SLC30A8: variants seen among roughly 807,000 people sequenced by gnomAD.
SLC30A8 encodes the protein solute carrier family 30 member 8, also known as proton-coupled zinc antiporter SLC30A8.
Under a neutral mutation model 36.9 loss-of-function variants are expected in SLC30A8, and 27 were observed. That is an observed-to-expected ratio of 0.73 (90% CI 0.54 to 1.01). The LOEUF is 1.01. Ranked by LOEUF, SLC30A8 falls within the 50% of genes least tolerant of loss-of-function variation. The pLI is 0.00. For missense variants in SLC30A8, 439 were observed against 452.0 expected, an observed-to-expected ratio of 0.97 and a Z score of 0.26; for synonymous variants, 164 against 172.4, an observed-to-expected ratio of 0.95 and a Z score of 0.38.
intron 1 of SLC30A8, among the ~76,000 whole-genome samples, chr8:117,136,040 T>C (rs556226560): frequency 6.6e-6 from 1 of 152,094 alleles, no homozygotes. Flanking sequence ...CTTTGTCCTC[T>C]TGAAACTTAG....
intron 1 of SLC30A8, among the ~76,000 whole-genome samples, chr8:117,009,213 C>T (rs749037582): frequency 1.3e-5 from 2 of 151,842 alleles, no homozygotes; most frequent in East Asian, 1.9e-4. Context: ...CTTTGACTGA[C>T]GTTAAAAAAA....
In SLC30A8 at chr8:116,959,917, T is replaced by C. The variant is rs771776827; in HGVS notation, c.-266+8798T>C. ...GGGCATATCCCCTGAAGATCTTGAG[T>C]CTCTTTCCTCACCTTTCTGTCCTGC... On this transcript the variant is annotated intron_variant, in intron 1 of 10. Transcript: ENST00000427715. Among the ~76,000 whole-genome samples the C allele has an allele frequency of 4.4e-4, 67 of 152,304 alleles. 1 individual carries two copies. Among genetic ancestry groups the C allele is most frequent in the Middle Eastern group, 3.4e-3 (1 of 294 alleles).
Position 117,175,405 on chromosome 8 carries a change from C to T in SLC30A8, c.*2724C>T, listed in dbSNP as rs934076557. 6.6e-6 allele frequency: 1 copy of T among 152,040 alleles called. No homozygotes were observed. Among genetic ancestry groups the T allele is most frequent in the African/African-American group, 2.4e-5 (1 of 41,410 alleles). The allele number at this position is 152,040 out of a possible 1,614,324, so 9.4% of individuals were successfully genotyped here. ...ACCCATAAAAGAAATTTATGCCTTC[C>T]ATATGTTTGGTTACAGATGGGAAAT... On this transcript the variant is annotated 3_prime_UTR_variant, in exon 8 of 8. Coordinates refer to ENST00000456015, the MANE Select transcript of SLC30A8 (RefSeq NM_173851.3).
At chr8:117,016,238 T>C (rs1324238934) in intron 1 of SLC30A8, among the ~76,000 whole-genome samples, 1 of 152,200 alleles carries the variant, frequency 6.6e-6, no homozygotes, top group East Asian at 1.9e-4. Context: ...TGTTTTAACC[T>C]TGCGCACAGA....
intron 1 of SLC30A8, among the ~76,000 whole-genome samples, chr8:117,030,393 T>C (rs1226951919): frequency 6.6e-6 from 1 of 152,238 alleles, no homozygotes; most frequent in Non-Finnish European, 1.5e-5. Flanking sequence ...TTCTCAGTTA[T>C]GGTTCCCATG....
intron 2 of SLC30A8, among the ~76,000 whole-genome samples, chr8:117,072,815 C>T (rs559939118): frequency 6.6e-6 from 1 of 150,804 alleles, no homozygotes; most frequent in South Asian, 2.1e-4. Flanking sequence ...AAAAAAACTG[C>T]TCAAACCCCC....
intron 1 of SLC30A8, among the ~76,000 whole-genome samples, chr8:116,958,291 A>G (rs1814289731): frequency 6.6e-6 from 1 of 150,570 alleles, no homozygotes; most frequent in Non-Finnish European, 1.5e-5. Flanking sequence ...GTATAGACCC[A>G]TGTTTCCATC....
At chr8:117,093,519 C>T (rs1261509389) in intron 2 of SLC30A8, among the ~76,000 whole-genome samples, 1 of 151,976 alleles carries the variant, frequency 6.6e-6, no homozygotes. Context: ...GATGCAGGAA[C>T]TTATATTGGT....
chr8:116,956,804 G>A (rs148973728), intron 1 of SLC30A8, among the ~76,000 whole-genome samples: 46 of 152,240 alleles, frequency 3.0e-4, no homozygotes, highest in African/African-American at 9.4e-4. Flanking sequence ...TCAAGGCACC[G>A]AAGTAAAAAT....
intron 1 of SLC30A8, among the ~76,000 whole-genome samples, chr8:117,024,166 T>G (rs1301619403): frequency 6.6e-6 from 1 of 152,188 alleles, no homozygotes; most frequent in Non-Finnish European, 1.5e-5. Context: ...ACCTAGCTAT[T>G]TTGAAGGAAT....
At chr8:117,090,944 A>G (rs1819093082) in intron 2 of SLC30A8, among the ~76,000 whole-genome samples, 1 of 152,252 alleles carries the variant, frequency 6.6e-6, no homozygotes, top group African/African-American at 2.4e-5. Flanking sequence ...TCAGTACCTG[A>G]CATATAAAGT....
chr8:117,093,029 G>A (rs1819197727), intron 2 of SLC30A8, among the ~76,000 whole-genome samples: 2 of 152,056 alleles, frequency 1.3e-5, no homozygotes, highest in Non-Finnish European at 1.5e-5. Context: ...CTACTTCCTA[G>A]TCTATCCTTA....
chr8:117,041,504 A>T (rs981980035), intron 2 of SLC30A8, among the ~76,000 whole-genome samples: 1 of 152,118 alleles, frequency 6.6e-6, no homozygotes, highest in African/African-American at 2.4e-5. Context: ...GCTGCTTAAC[A>T]GAGTGAAACC....
At chr8:116,955,889 CTG>C (rs1814181766) in intron 1 of SLC30A8, among the ~76,000 whole-genome samples, 2 of 152,092 alleles carry the variant, frequency 1.3e-5, no homozygotes, top group African/African-American at 2.4e-5. Context: ...GCCTCCAGAA[CTG>C]TGAGAGAAAA....
At chr8:117,066,734 T>C (rs965851466) in intron 2 of SLC30A8, among the ~76,000 whole-genome samples, 1 of 152,100 alleles carries the variant, frequency 6.6e-6, no homozygotes, top group Admixed American at 6.6e-5. Context: ...TTTTTTTCCT[T>C]CTCTGGGACT....
intron 2 of SLC30A8, chr8:117,128,590 C>G (rs1214464949): frequency 6.6e-6 from 1 of 152,054 alleles, no homozygotes; most frequent in Non-Finnish European, 1.5e-5. Context: ...TGCCCACTGT[C>G]TACACTCTTG....
chr8:117,146,923 C>A, intron 1 of SLC30A8, 31 bp from the exon 2 acceptor site: 1 of 1,611,472 alleles, frequency 6.2e-7, no homozygotes, highest in South Asian at 1.1e-5. Flanking sequence ...CAACTATGTT[C>A]ACTTCTTGCT....
At chr8:117,125,449 C>T (rs986744525) in intron 2 of SLC30A8, among the ~76,000 whole-genome samples, 3 of 151,904 alleles carry the variant, frequency 2.0e-5, no homozygotes, top group Admixed American at 1.3e-4. Flanking sequence ...CTTTTTAGCT[C>T]AAGAGAAAAA....
chr8:117,123,965 G>T (rs1412299062), intron 2 of SLC30A8, among the ~76,000 whole-genome samples: 1 of 151,916 alleles, frequency 6.6e-6, no homozygotes, highest in Admixed American at 6.6e-5. Flanking sequence ...CACCCTTGGT[G>T]TGCACATTCT....
Sources: gnomAD v4.1 joint callset for allele counts (sites outside exome capture counted in the v4.1 genomes callset) on GRCh38, gnomAD v4.1.1 for gene constraint, MANE v1.5 for transcripts, NCBI Gene and HGNC (gene_info 2026-07-23, HGNC 2026-07-21) for gene names.